The following PPP6R2 variants were observed in gnomAD, a reference collection of about 807,000 sequenced individuals.
PPP6R2 encodes serine/threonine-protein phosphatase 6 regulatory subunit 2.
Under a neutral mutation model 100.2 loss-of-function variants are expected in PPP6R2, and 62 were observed. The ratio of observed to expected loss-of-function variants is 0.62; its 90% CI spans 0.50 to 0.76. The LOEUF (loss-of-function observed/expected upper bound fraction) is 0.76. Among genes scored for constraint, PPP6R2 ranks in the 30% least tolerant of loss-of-function variants. The pLI is 0.00. For missense variants in PPP6R2, 1,142 were observed against 1,276.3 expected, an observed-to-expected ratio of 0.89 and a Z score of 1.60; for synonymous variants, 525 against 514.7, an observed-to-expected ratio of 1.02 and a Z score of -0.27.
intron 4 of PPP6R2, among the ~76,000 whole-genome samples, chr22:50,413,277 T>G (rs1254231457): frequency 2.0e-5 from 3 of 152,226 alleles, no homozygotes; most frequent in African/African-American, 7.2e-5. Flanking sequence ...AAGTATTTTT[T>G]TTCAAGGAAA....
In PPP6R2 at chr22:50,418,840, G is replaced by A. The variant is rs770277125; in HGVS notation, c.619-27G>A. ...CTGCTGTTTCTTCTCCACACTGAGG[G>A]ACTCTGTGTTTCCCTTGTCTTTTCA... On this transcript the variant is annotated intron_variant, in intron 6 of 23. Coordinates refer to ENST00000612753, the MANE Select transcript of PPP6R2 (RefSeq NM_001242898.2). The A allele has an allele frequency of 3.2e-6, 5 of 1,551,886 alleles. No homozygotes were observed. In the African/African-American group the frequency reaches 6.8e-5, roughly 21 times the overall value.
intron 1 of PPP6R2, among the ~76,000 whole-genome samples, 152 bp downstream of exon 1, chr22:50,343,702 CGGAGTCAGTG>C (rs2042722627): frequency 9.4e-6 from 1 of 106,064 alleles, no homozygotes; most frequent in Non-Finnish European, 1.9e-5. Flanking sequence ...TCGGTGCCCC[CGGAGTCAGTG>C]CCCCCCCCAA....
intron 12 of PPP6R2, among the ~76,000 whole-genome samples, chr22:50,434,161 GGC>G (rs1278272680): frequency 1.6e-5 from 1 of 62,394 alleles, no homozygotes; most frequent in Non-Finnish European, 3.3e-5. Context: ...GAGGGCCGGG[GGC>G]GCAGACGCTG....
chr22:50,368,134 G>T (rs2049147783), intron 1 of PPP6R2, among the ~76,000 whole-genome samples: 1 of 152,254 alleles, frequency 6.6e-6, no homozygotes, highest in Non-Finnish European at 1.5e-5. Context: ...GCGGAGCCAG[G>T]TGTACAGGGC....
upstream of PPP6R2, among the ~76,000 whole-genome samples, chr22:50,339,342 T>C (rs1433940712): frequency 7.2e-6 from 1 of 139,530 alleles, no homozygotes. Flanking sequence ...GTGTGTGGTA[T>C]GTAGTGTGTG....
chr22:50,431,454 A>T lies in PPP6R2; in HGVS notation c.1335+72A>T. 1 of 1,391,408 alleles carries T rather than the reference A, an allele frequency of 7.2e-7. No individual in the cohort carries two copies. Among genetic ancestry groups the T allele is most frequent in the East Asian group, 2.4e-5 (1 of 41,568 alleles). 86.2% of individuals were successfully genotyped at this position (1,391,408 alleles called of 1,614,324 possible). On this transcript the variant is annotated intron_variant, in intron 11 of 23. Coordinates refer to ENST00000612753, the MANE Select transcript of PPP6R2 (RefSeq NM_001242898.2). This position sits in a 1 kb window ranked among gnomAD's most constrained non-coding sequence, Gnocchi z 4.8. Reference sequence around the variant, plus strand: ...TCAGACCGTGTCCATGTCAGCGCTGACGTGTGCCGGACCTCACTGTGCAGC... The same window carrying T: ...TCAGACCGTGTCCATGTCAGCGCTGTCGTGTGCCGGACCTCACTGTGCAGC...
At chr22:50,442,240 A>G (rs370003735) in intron 22 of PPP6R2, among the ~76,000 whole-genome samples, 87 of 152,292 alleles carry the variant, frequency 5.7e-4, no homozygotes, top group Admixed American at 3.3e-3. Flanking sequence ...ACCCCCGGCA[A>G]TCCTGGAGAG....
rs112866699 is a variant in PPP6R2 at position 50,407,675 on chromosome 22, G to A, written c.414+800G>A. Among the ~76,000 whole-genome samples the A allele has an allele frequency of 1.4e-4, 21 of 152,312 alleles. 2 individuals carry two copies. Among genetic ancestry groups the A allele is most frequent in the African/African-American group, 4.8e-4 (20 of 41,572 alleles). ...CTTCCTGGAGTCCATCCTTGCTCCT[G>A]CCTTACATGTGACCTGACCTGGGCT... On this transcript the variant is annotated intron_variant, in intron 4 of 23. Transcript: ENST00000612753.
chr22:50,421,505 GCTCT>G (rs2061331375), intron 8 of PPP6R2, among the ~76,000 whole-genome samples: 1 of 152,102 alleles, frequency 6.6e-6, no homozygotes, highest in Non-Finnish European at 1.5e-5. Flanking sequence ...ACTGCACCTG[GCTCT>G]CTGATTTTTA....
rs772749349 is a variant in PPP6R2, at chr22:50,423,609, C to G, written c.1120C>G (p.Leu374Val). The change falls in exon 10 of 24, where the codon CTG becomes GTG. Residue 374 changes from leucine to valine, a missense_variant. By Grantham distance (32) the Leu-to-Val change is conservative (BLOSUM62 1). Coordinates refer to ENST00000612753, the MANE Select transcript of PPP6R2 (RefSeq NM_001242898.2). This position sits in a 1 kb window ranked among gnomAD's most constrained non-coding sequence, Gnocchi z 4.8. ...ELCRLNTMDL[L>V]LDLFFKYTWN... ...CTGCCGGCTCAACACGATGGACTTA[C>G]TGCTGGTAAGTGGGCCCCTCAGCCA... 1.2e-6 allele frequency: 2 copies of G among 1,614,106 alleles called. No homozygotes were observed. The highest frequency in any genetic ancestry group is 1.7e-6 in the Non-Finnish European group (2 of 1,180,026).
chr22:50,388,823 G>A (rs1042267135), intron 2 of PPP6R2, among the ~76,000 whole-genome samples: 4 of 150,560 alleles, frequency 2.7e-5, no homozygotes, highest in Non-Finnish European at 5.9e-5. Context: ...GGTGACCTGA[G>A]ATTGTGCCAC....
chr22:50,400,171 C>A (rs1223054523), intron 3 of PPP6R2, among the ~76,000 whole-genome samples: 2 of 152,174 alleles, frequency 1.3e-5, no homozygotes, highest in African/African-American at 4.8e-5. Context: ...GCACTCAGGG[C>A]AGAACTGAAA....
Position 50,378,262 on chromosome 22 carries a change from T to C in PPP6R2, c.-17+6112T>C, listed in dbSNP as rs148689711. 2.8e-4 allele frequency among the ~76,000 whole-genome samples: 42 copies of C among 152,312 alleles called. No individual in the cohort carries two copies. The East Asian group carries it at 6.2e-3, about 22-fold the overall frequency. Reference sequence around the variant, plus strand: ...AGTAAAACAATTCCTGACTTCTAACTTTATATCAGGAAAAATTATCTTTCA... The same window carrying C: ...AGTAAAACAATTCCTGACTTCTAACCTTATATCAGGAAAAATTATCTTTCA... On this transcript the variant is annotated intron_variant, in intron 2 of 23. Transcript: ENST00000612753.
chr22:50,339,091 TGTGTGGTATGTA>T (rs949989731), upstream of PPP6R2, among the ~76,000 whole-genome samples: 19 of 137,036 alleles, frequency 1.4e-4, no homozygotes, highest in Admixed American at 8.8e-4. Context: ...GTGTGTGGTG[TGTGTGGTATGTA>T]GTGTGGTATG....
intron 2 of PPP6R2, among the ~76,000 whole-genome samples, chr22:50,382,011 C>T (rs984769060): frequency 2.6e-5 from 4 of 151,512 alleles, no homozygotes; most frequent in Non-Finnish European, 1.5e-5. Flanking sequence ...AAAGCTGCAA[C>T]AATTTTTTTA....
chr22:50,415,456 C>T (rs1287575653), intron 5 of PPP6R2, among the ~76,000 whole-genome samples: 2 of 152,188 alleles, frequency 1.3e-5, no homozygotes, highest in Non-Finnish European at 2.9e-5. Flanking sequence ...TGGTCATAGC[C>T]GTTAGTGGGA....
intron 1 of PPP6R2, among the ~76,000 whole-genome samples, chr22:50,370,616 A>AT (rs2049952392): frequency 6.6e-6 from 1 of 151,256 alleles, no homozygotes; most frequent in Non-Finnish European, 1.5e-5. Flanking sequence ...AAAGTTTAAA[A>AT]GTAGGACCTA....
Position 50,438,623 on chromosome 22 carries a change from G to C in PPP6R2, c.1989G>C (p.Glu663Asp), listed in dbSNP as rs556946488. The C allele has an allele frequency of 5.6e-6, 9 of 1,613,960 alleles. No homozygotes were observed. The highest frequency in any genetic ancestry group is 7.6e-6 in the Non-Finnish European group (9 of 1,180,010). ...GGTTTGGAGCCCCCCATGCTTCAGA[G>C]AGTTGCTCAAAGAATGGCCCAGAGC... The part of the protein sequence containing the change: ...RPRFGAPHAS[E>D]SCSKNGPERG... Residue 663 changes from glutamate (E) to aspartate (D), a missense_variant, in exon 19 of 24, where the codon GAG becomes GAC. Around this residue, in one of 2 missense-constraint regions of PPP6R2, gnomAD observed 550 missense variants for 517.4 expected, o/e 1.06. Transcript: ENST00000612753.
chr22:50,366,599 C>T (rs185301040), intron 1 of PPP6R2, among the ~76,000 whole-genome samples: 13 of 152,206 alleles, frequency 8.5e-5, no homozygotes, highest in East Asian at 1.9e-4. Flanking sequence ...CCACCGCACC[C>T]GGCCCCTCTC....
Sources: gnomAD v4.1 joint callset for allele counts (sites outside exome capture counted in the v4.1 genomes callset) on GRCh38, gnomAD v4.1.1 for gene constraint, gnomAD v4.1.1 regional missense constraint, Gnocchi (gnomAD v3.1) non-coding constraint, MANE v1.5 for transcripts, NCBI Gene and HGNC (gene_info 2026-07-23, HGNC 2026-07-21) for gene names.